Variants in IGFBP7 observed in about 807,000 individuals in gnomAD.
The protein encoded by IGFBP7 is insulin like growth factor binding protein 7.
In IGFBP7, 31 loss-of-function variants were observed where a neutral mutation model predicts 29.4. The observed-to-expected ratio is 1.05, with a 90% CI of 0.79 to 1.42. IGFBP7 has a LOEUF of 1.42. Ranked by LOEUF, IGFBP7 falls within the 40% of genes most tolerant of loss-of-function variation. The pLI is 0.00. For synonymous variants in IGFBP7, 172 were observed against 174.9 expected (o/e 0.98, Z 0.13); for missense variants, 393 against 395.5 (o/e 0.99, Z 0.05).
Position 57,046,761 on chromosome 4 carries a change from G to A in IGFBP7, c.476-5828C>T, listed in dbSNP as rs772919793. 1.4e-4 allele frequency among the ~76,000 whole-genome samples: 17 copies of A among 125,020 alleles called. 2 individuals carry two copies. Among genetic ancestry groups the A allele is most frequent in the Admixed American group, 7.6e-4 (10 of 13,226 alleles). 82.0% of individuals were successfully genotyped at this position (125,020 alleles called of 152,430 possible). Reference sequence around the variant, plus strand: ...CTCCCTCTGCCTTGTACCCACCCTCGGCAACTCCAGAAAGCAACCAAGTCA... The same window carrying A: ...CTCCCTCTGCCTTGTACCCACCCTCAGCAACTCCAGAAAGCAACCAAGTCA... On this transcript the variant is annotated intron_variant, in intron 1 of 4. Transcript: ENST00000295666.
At chr4:57,096,682 A>G (rs1303894572) in intron 1 of IGFBP7, among the ~76,000 whole-genome samples, 1 of 152,178 alleles carries the variant, frequency 6.6e-6, no homozygotes, top group Non-Finnish European at 1.5e-5. Context: ...GGATCTGAAA[A>G]GTTATCCAGC....
At chr4:57,093,253 C>T (rs530373819) in intron 1 of IGFBP7, among the ~76,000 whole-genome samples, 1 of 152,204 alleles carries the variant, frequency 6.6e-6, no homozygotes, top group Non-Finnish European at 1.5e-5. Context: ...ATAATCCCAG[C>T]ACTTTGGGAG....
intron 1 of IGFBP7, among the ~76,000 whole-genome samples, chr4:57,050,722 A>ATT (rs35769988): frequency 1.1e-3 from 156 of 140,438 alleles, no homozygotes; most frequent in Non-Finnish European, 1.3e-3. Flanking sequence ...TTAAAAAAGA[A>ATT]TTTTTTTTTT....
chr4:57,101,983 C>T (rs1266825749), intron 1 of IGFBP7, among the ~76,000 whole-genome samples: 5 of 152,310 alleles, frequency 3.3e-5, no homozygotes, highest in Non-Finnish European at 1.5e-5. Context: ...ATAAAGGTTA[C>T]ACTCATATTC....
chr4:57,083,294 T>C (rs1714004), intron 1 of IGFBP7, among the ~76,000 whole-genome samples: 76,918 of 151,966 alleles, frequency 0.51, 20,840 homozygotes, highest in Middle Eastern at 0.63. Flanking sequence ...CCCATTTCCC[T>C]GCACATTTCC....
chr4:57,100,524 A>G (rs1176295265), intron 1 of IGFBP7, among the ~76,000 whole-genome samples: 1 of 152,242 alleles, frequency 6.6e-6, no homozygotes, highest in Non-Finnish European at 1.5e-5. Context: ...ATAAAGAGCC[A>G]TCTCAACTCT....
At chr4:57,107,757 G>A (rs1032491803) in intron 1 of IGFBP7, among the ~76,000 whole-genome samples, 3 of 152,168 alleles carry the variant, frequency 2.0e-5, no homozygotes, top group Non-Finnish European at 2.9e-5. Context: ...AAGCCGGGCC[G>A]GAACCCTCAA....
intron 2 of IGFBP7, among the ~76,000 whole-genome samples, chr4:57,039,639 C>G (rs1724170236): frequency 7.3e-6 from 1 of 136,346 alleles, no homozygotes; most frequent in South Asian, 2.3e-4. Flanking sequence ...AAGGAATTCA[C>G]ACTCTTTTTT....
intron 2 of IGFBP7, among the ~76,000 whole-genome samples, chr4:57,034,103 T>G (rs892609102): frequency 1.3e-5 from 2 of 152,108 alleles, no homozygotes; most frequent in Non-Finnish European, 2.9e-5. Context: ...ATTGTTCTTT[T>G]ATGACAAAAC....
At chr4:57,075,087 G>A (rs1414665000) in intron 1 of IGFBP7, among the ~76,000 whole-genome samples, 2 of 152,172 alleles carry the variant, frequency 1.3e-5, no homozygotes, top group African/African-American at 4.8e-5. Flanking sequence ...GTCTTTGAAG[G>A]AATTTGATAG....
At chr4:57,035,095 T>C (rs1190634440) in intron 2 of IGFBP7, among the ~76,000 whole-genome samples, 1 of 152,212 alleles carries the variant, frequency 6.6e-6, no homozygotes, top group Admixed American at 6.5e-5. Context: ...GTTTTATGTG[T>C]GACCAAAGCA....
chr4:57,102,399 C>T (rs947897581), intron 1 of IGFBP7, among the ~76,000 whole-genome samples: 13 of 152,022 alleles, frequency 8.6e-5, no homozygotes, highest in African/African-American at 3.1e-4. Context: ...ATAAAATCCT[C>T]CCCCAGATGT....
At chr4:57,102,489 AT>A (rs1725923235) in intron 1 of IGFBP7, among the ~76,000 whole-genome samples, 1 of 152,132 alleles carries the variant, frequency 6.6e-6, no homozygotes, top group Non-Finnish European at 1.5e-5. Flanking sequence ...ATCCTATTCA[AT>A]AGTTTTTACT....
intron 1 of IGFBP7, among the ~76,000 whole-genome samples, chr4:57,080,518 G>A (rs944755736): frequency 6.6e-5 from 10 of 152,130 alleles, no homozygotes; most frequent in Non-Finnish European, 1.5e-4. Flanking sequence ...TTTAGAGGAA[G>A]ATTTTGAGTG....
chr4:57,056,718 G>A (rs957882044), intron 1 of IGFBP7, among the ~76,000 whole-genome samples: 1 of 152,224 alleles, frequency 6.6e-6, no homozygotes, highest in Non-Finnish European at 1.5e-5. Flanking sequence ...GGTGTGAGCT[G>A]TGAGAAATGG....
At chr4:57,082,720 C>A (rs1349717815) in intron 1 of IGFBP7, among the ~76,000 whole-genome samples, 1 of 152,090 alleles carries the variant, frequency 6.6e-6, no homozygotes, top group South Asian at 2.1e-4. Context: ...TCCTAACCCC[C>A]CAACAACTTA....
chr4:57,094,633 T>C (rs1027470466), intron 1 of IGFBP7, among the ~76,000 whole-genome samples: 1 of 152,230 alleles, frequency 6.6e-6, no homozygotes, highest in Non-Finnish European at 1.5e-5. Flanking sequence ...TCAAGAGTCA[T>C]CCAAGAATTA....
chr4:57,047,449 G>A (rs1361258358), intron 1 of IGFBP7, among the ~76,000 whole-genome samples: 2 of 152,040 alleles, frequency 1.3e-5, no homozygotes, highest in South Asian at 2.1e-4. Context: ...ATACAGAGGA[G>A]GTGAAGGAGA....
intron 1 of IGFBP7, among the ~76,000 whole-genome samples, chr4:57,066,496 T>G (rs969738774): frequency 6.6e-6 from 1 of 152,242 alleles, no homozygotes; most frequent in Non-Finnish European, 1.5e-5. Context: ...TATTTATTAT[T>G]ATTTTAGGCT....
Sources: allele counts gnomAD v4.1 joint callset (sites outside exome capture counted in the v4.1 genomes callset), GRCh38; gene constraint gnomAD v4.1.1; transcripts MANE v1.5; gene names NCBI Gene and HGNC (gene_info 2026-07-23, HGNC 2026-07-21).